Variants in SETD5 observed in about 807,000 individuals in gnomAD.
SETD5 encodes the protein histone-lysine N-methyltransferase SETD5.
In SETD5, 44 loss-of-function variants were observed where a neutral mutation model predicts 153.3. The ratio of observed to expected loss-of-function variants is 0.29; its 90% confidence interval spans 0.23 to 0.37. The LOEUF is 0.37. Among genes scored for constraint, SETD5 ranks in the 10% least tolerant of loss-of-function variants. The pLI is 1.00. For synonymous variants in SETD5, 716 were observed against 645.2 expected (o/e 1.11, Z -1.66); for missense variants, 1,544 against 1,768.0 (o/e 0.87, Z 2.27).
intron 1 of SETD5, among the ~76,000 whole-genome samples, chr3:9,399,006 C>A (rs565739835): frequency 6.6e-6 from 1 of 152,202 alleles, no homozygotes; most frequent in Non-Finnish European, 1.5e-5. Flanking sequence ...TCATTTCTTT[C>A]CCAGACCTCT....
Position 9,464,670 on chromosome 3 carries a change from G to C in SETD5, c.2722G>C (p.Glu908Gln). Residue 908 changes from glutamate to glutamine, a missense_variant and splice_region_variant, in exon 18 of 23, where the codon GAG (glutamate) becomes CAG (glutamine). Glu to Gln is a conservative substitution (Grantham distance 29). Around this residue, in one of 9 missense-constraint regions of SETD5, gnomAD observed 782 missense variants for 787.2 expected, o/e 0.99. Transcript: ENST00000402198. The stretch of plus-strand genomic sequence containing the variant: ...TCGCTGCAACACTCCTCTACAGTTT[G>C]AGGTGATTTGGGTTTGGTTGCTGGG... Reference protein sequence around the residue: ...ASRCNTPLQFELCHRKDLDLA... With the variant: ...ASRCNTPLQFQLCHRKDLDLA... The C allele has an allele frequency of 6.2e-7, 1 of 1,614,008 alleles. No homozygotes were observed. Among genetic ancestry groups the C allele is most frequent in the Non-Finnish European group, 8.5e-7 (1 of 1,179,906 alleles).
rs1029885811 is a variant in SETD5 at position 9,476,751 on chromosome 3, G to T, written c.*660G>T. Reference sequence around the variant, plus strand: ...CTCTTTGAAGAAAAGCTCATGGTCAGCTCTTGATTATTCGGGAGCAGATTA... The same window carrying T: ...CTCTTTGAAGAAAAGCTCATGGTCATCTCTTGATTATTCGGGAGCAGATTA... On this transcript the variant is annotated 3_prime_UTR_variant, in exon 23 of 23. Coordinates refer to ENST00000402198, the MANE Select transcript of SETD5 (RefSeq NM_001080517.3). 1 of 152,512 alleles carries T rather than the reference G, an allele frequency of 6.6e-6. No individual in the cohort carries two copies. Among genetic ancestry groups the T allele is most frequent in the Non-Finnish European group, 1.5e-5 (1 of 68,040 alleles). The allele number at this position is 152,512 out of a possible 1,614,324, so 9.4% of individuals were successfully genotyped here.
At chr3:9,426,251 T>TTTTTTA (rs1468053711) in intron 2 of SETD5, 1 of 136,058 alleles carries the variant, frequency 7.3e-6, no homozygotes, top group Non-Finnish European at 1.5e-5. Context: ...TTTTTTTTTT[T>TTTTTTA]TGGCAACAGG....
chr3:9,441,777 G>A, intron 9 of SETD5, 36 bp downstream of exon 9: 1 of 1,613,284 alleles, frequency 6.2e-7, no homozygotes, highest in South Asian at 1.1e-5. Context: ...GAGGGCTAAG[G>A]TGGACCTGGT....
intron 17 of SETD5, among the ~76,000 whole-genome samples, chr3:9,462,947 TTAAC>T (rs751599606): frequency 2.7e-4 from 41 of 152,276 alleles, no homozygotes; most frequent in East Asian, 7.7e-4. Context: ...TTTTTTTTTT[TTAAC>T]TAACACATAG....
intron 1 of SETD5, among the ~76,000 whole-genome samples, chr3:9,413,848 TCTC>T (rs1332879131): frequency 6.6e-6 from 1 of 151,868 alleles, no homozygotes; most frequent in Non-Finnish European, 1.5e-5. Flanking sequence ...TGTGATCTCT[TCTC>T]ACTGCAACCT....
intron 7 of SETD5, among the ~76,000 whole-genome samples, chr3:9,437,059 G>A (rs1390081060): frequency 6.6e-6 from 1 of 152,054 alleles, no homozygotes; most frequent in African/African-American, 2.4e-5. Context: ...GATTTTCTTG[G>A]CCATTTTCTG....
In SETD5 at chr3:9,434,620, C is replaced by A; in HGVS notation, c.329+135C>A. 10 of 1,490,098 alleles carry A rather than the reference C, an allele frequency of 6.7e-6. No individual in the cohort carries two copies. The highest frequency in any genetic ancestry group is 8.9e-6 in the Non-Finnish European group (10 of 1,119,618). The allele number at this position is 1,490,098 out of a possible 1,614,324, so 92.3% of individuals were successfully genotyped here. A position where few individuals can be genotyped will look rare whatever the true frequency, so the allele number is the denominator to read the frequency against. On this transcript the variant is annotated intron_variant, in intron 5 of 22. Transcript: ENST00000402198. The surrounding 1 kb of genome is among the most constrained non-coding windows in gnomAD (Gnocchi z 5.6). ...TCCTTAGTGCTCCTTGGCTCGAATT[C>A]TCTGCACTAGGTGAGAATTGCTGAC...
At chr3:9,422,987 A>G (rs928000235) in intron 1 of SETD5, among the ~76,000 whole-genome samples, 1 of 152,234 alleles carries the variant, frequency 6.6e-6, no homozygotes, top group African/African-American at 2.4e-5. Flanking sequence ...TCACAGGATT[A>G]CTGAAGCAGA....
Position 9,434,917 on chromosome 3 carries a change from A to C in SETD5, c.388+35A>C. 2.5e-6 allele frequency: 4 copies of C among 1,604,372 alleles called. No individual in the cohort carries two copies. The highest frequency in any genetic ancestry group is 3.4e-6 in the Non-Finnish European group (4 of 1,175,112). On this transcript the variant is annotated intron_variant, in intron 6 of 22. Coordinates refer to ENST00000402198, the MANE Select transcript of SETD5 (RefSeq NM_001080517.3). This position sits in a 1 kb window ranked among gnomAD's most constrained non-coding sequence, Gnocchi z 5.6. ...AGATGGGTTAGGTCCACAATTTGAC[A>C]TAAAAATATTCTGTGATCTGAATGT...
chr3:9,432,344 C>G (rs1030468440), intron 3 of SETD5: 1 of 968,464 alleles, frequency 1.0e-6, no homozygotes, highest in Non-Finnish European at 1.2e-6. Context: ...ATACATATCT[C>G]AGAATTTTCT....
intron 1 of SETD5, among the ~76,000 whole-genome samples, chr3:9,399,091 C>T (rs1481716959): frequency 2.0e-5 from 3 of 152,206 alleles, no homozygotes; most frequent in South Asian, 2.1e-4. Context: ...CTGAACGAAT[C>T]CCCAAGTTCT....
chr3:9,437,316 G>A (rs1210024762), intron 7 of SETD5, among the ~76,000 whole-genome samples: 3 of 152,044 alleles, frequency 2.0e-5, no homozygotes, highest in Non-Finnish European at 4.4e-5. Flanking sequence ...TTTTCTCTTA[G>A]CATATCTGTT....
chr3:9,414,685 CTCA>C (rs2037147318), intron 1 of SETD5, among the ~76,000 whole-genome samples: 1 of 152,078 alleles, frequency 6.6e-6, no homozygotes, highest in Non-Finnish European at 1.5e-5. Context: ...CTGTATTCTC[CTCA>C]TCAACAGATG....
intron 18 of SETD5, 83 bp downstream of exon 18, chr3:9,464,755 A>T: frequency 6.3e-7 from 1 of 1,595,502 alleles, no homozygotes; most frequent in South Asian, 1.1e-5. Flanking sequence ...TACCATTCCA[A>T]ATGTTTCTTT....
intron 19 of SETD5, 31 bp from the exon 20 acceptor site, chr3:9,473,205 G>T (rs370190540): frequency 1.3e-6 from 2 of 1,599,472 alleles, no homozygotes; most frequent in Non-Finnish European, 1.7e-6. Flanking sequence ...ATAGAGTACC[G>T]TTTTTTGTTT....
chr3:9,399,811 G>A (rs2034449571), intron 1 of SETD5, among the ~76,000 whole-genome samples: 1 of 146,382 alleles, frequency 6.8e-6, no homozygotes, highest in Non-Finnish European at 1.5e-5. Flanking sequence ...AGCCCTTCTG[G>A]CATGGAGCAC....
At chr3:9,448,770 T>G (rs1302297881) in intron 16 of SETD5, 140 bp downstream of exon 16, 10 of 811,016 alleles carry the variant, frequency 1.2e-5, no homozygotes, top group Non-Finnish European at 1.9e-5. Context: ...AATGAGTTAG[T>G]TGTTCAGCCA....
intron 17 of SETD5, among the ~76,000 whole-genome samples, chr3:9,463,826 G>C (rs1468435646): frequency 6.6e-6 from 1 of 152,196 alleles, no homozygotes; most frequent in Non-Finnish European, 1.5e-5. Flanking sequence ...AGACTTTTCA[G>C]AAACTCAATG....
Sources: gnomAD v4.1 joint callset for allele counts (sites outside exome capture counted in the v4.1 genomes callset) on GRCh38, gnomAD v4.1.1 for gene constraint, gnomAD v4.1.1 regional missense constraint, Gnocchi (gnomAD v3.1) non-coding constraint, MANE v1.5 for transcripts, NCBI Gene and HGNC (gene_info 2026-07-23, HGNC 2026-07-21) for gene names.